The following GOLM2 variants were observed in gnomAD, a reference collection of about 807,000 sequenced individuals.
GOLM2 encodes protein GOLM2.
A neutral mutation model predicts 55.9 loss-of-function variants in GOLM2; 26 were observed. That is an observed-to-expected ratio of 0.47 (90% CI 0.34 to 0.65). GOLM2 has a LOEUF of 0.65. Among genes scored for constraint, GOLM2 ranks in the 30% least tolerant of loss-of-function variants. GOLM2 has a pLI of 0.01. For missense variants in GOLM2, 486 were observed against 531.8 expected, an observed-to-expected ratio of 0.91 and a Z score of 0.85; for synonymous variants, 165 against 194.6, an observed-to-expected ratio of 0.85 and a Z score of 1.27.
intron 8 of GOLM2, among the ~76,000 whole-genome samples, chr15:44,401,207 C>A (rs1394744360): frequency 6.6e-6 from 1 of 152,022 alleles, no homozygotes; most frequent in Non-Finnish European, 1.5e-5. Context: ...AAACTCCTGA[C>A]CTCAAATGAT....
intron 6 of GOLM2, among the ~76,000 whole-genome samples, chr15:44,369,068 TATATATATATATATATATATA>T (rs2079307505): frequency 3.4e-4 from 2 of 5,834 alleles, no homozygotes; most frequent in African/African-American, 8.8e-4. Flanking sequence ...TAGGATATAT[TATATATATATATATATATATA>T]TATATATATA....
chr15:44,377,182 G>A (rs905437596), intron 6 of GOLM2, among the ~76,000 whole-genome samples: 21 of 151,986 alleles, frequency 1.4e-4, no homozygotes, highest in African/African-American at 2.7e-4. Context: ...AGACCAGCCC[G>A]GACCACATAG....
chr15:44,322,988 G>T lies in GOLM2; in HGVS notation c.351G>T (p.Ser117=), dbSNP rs780302499. 6.4e-7 allele frequency: 1 copy of T among 1,574,784 alleles called. No homozygotes were observed. Among genetic ancestry groups the T allele is most frequent in the South Asian group, 1.2e-5 (1 of 82,146 alleles). Residue 117 remains serine (S), a synonymous_variant, in exon 2 of 10, where the codon TCG becomes TCT. Transcript: ENST00000299957. ...DDKVKLQNNI[S]YQMADIHHLK... ...AGGTTAAACTACAGAACAACATATC[G>T]TATCAGATGGCAGACATACATCATT...
At chr15:44,375,999 G>A (rs940428062) in intron 6 of GOLM2, among the ~76,000 whole-genome samples, 2 of 152,146 alleles carry the variant, frequency 1.3e-5, no homozygotes, top group Non-Finnish European at 2.9e-5. Context: ...CACTTTGGGA[G>A]GCCGAGGTGG....
At chr15:44,311,157 C>T (rs2078872885) in intron 1 of GOLM2, among the ~76,000 whole-genome samples, 1 of 152,168 alleles carries the variant, frequency 6.6e-6, no homozygotes, top group African/African-American at 2.4e-5. Context: ...TATACTTATA[C>T]ATGTTCTACT....
chr15:44,394,893 G>T (rs1208661555), intron 8 of GOLM2, among the ~76,000 whole-genome samples: 1 of 152,156 alleles, frequency 6.6e-6, no homozygotes, highest in African/African-American at 2.4e-5. Context: ...CTAGAAAAAA[G>T]AGGCTGCCTT....
intron 1 of GOLM2, among the ~76,000 whole-genome samples, chr15:44,311,002 G>T (rs2078871852): frequency 6.6e-6 from 1 of 152,152 alleles, no homozygotes; most frequent in South Asian, 2.1e-4. Flanking sequence ...GGGCGACAGA[G>T]TGAGACTTCA....
At chr15:44,364,083 A>G (rs897770004) in intron 6 of GOLM2, among the ~76,000 whole-genome samples, 2 of 152,096 alleles carry the variant, frequency 1.3e-5, no homozygotes, top group African/African-American at 2.4e-5. Flanking sequence ...TGGGAGATAT[A>G]CCTAATGCTA....
At chr15:44,369,469 T>C (rs2079314643) in intron 6 of GOLM2, among the ~76,000 whole-genome samples, 1 of 151,864 alleles carries the variant, frequency 6.6e-6, no homozygotes, top group Non-Finnish European at 1.5e-5. Context: ...CCAACAAGAA[T>C]GTAAGCTTCG....
chr15:44,410,513 A>T (rs1249622450), intron 9 of GOLM2, among the ~76,000 whole-genome samples: 1 of 152,150 alleles, frequency 6.6e-6, no homozygotes, highest in African/African-American at 2.4e-5. Flanking sequence ...TGTGAAATGG[A>T]TATAATTTCA....
chr15:44,411,301 C>G (rs900910398), intron 9 of GOLM2, among the ~76,000 whole-genome samples: 1 of 151,782 alleles, frequency 6.6e-6, no homozygotes, highest in African/African-American at 2.4e-5. Flanking sequence ...GGATTGCAAG[C>G]TTGGACAACC....
At chr15:44,379,818 T>G in intron 7 of GOLM2, 30 bp downstream of exon 7, 1 of 1,287,548 alleles carries the variant, frequency 7.8e-7, no homozygotes, top group East Asian at 2.3e-5. Context: ...TAATTCCATT[T>G]GAAACCAACT....
chr15:44,335,300 A>G (rs2079049339), intron 4 of GOLM2, among the ~76,000 whole-genome samples: 1 of 152,206 alleles, frequency 6.6e-6, no homozygotes, highest in Admixed American at 6.5e-5. Flanking sequence ...TAAGAAGTTT[A>G]TTTTAAAAAC....
In GOLM2 at chr15:44,338,224, G is replaced by A. The variant is rs368007726; in HGVS notation, c.722-13G>A. ...AAAAACGATAGAATTCTATCTTTTTGTTACTTGGGCAGAACAAATCAAAAG... is the reference window on the plus strand; with the variant it reads ...AAAAACGATAGAATTCTATCTTTTTATTACTTGGGCAGAACAAATCAAAAG... On this transcript the variant is annotated splice_polypyrimidine_tract_variant and intron_variant, in intron 5 of 9. Coordinates refer to ENST00000299957, the MANE Select transcript of GOLM2 (RefSeq NM_138423.4). 2 of 1,601,120 alleles carry A rather than the reference G, an allele frequency of 1.2e-6. No homozygotes were observed. The highest frequency in any genetic ancestry group is 1.7e-6 in the Non-Finnish European group (2 of 1,173,508).
chr15:44,374,077 G>C (rs1316176123), intron 6 of GOLM2, among the ~76,000 whole-genome samples: 1 of 151,756 alleles, frequency 6.6e-6, no homozygotes, highest in East Asian at 1.9e-4. Context: ...TTCTAGCCTG[G>C]GCAACAGAGC....
chr15:44,333,789 TCA>T (rs1229602172), intron 4 of GOLM2, among the ~76,000 whole-genome samples: 5 of 152,058 alleles, frequency 3.3e-5, no homozygotes, highest in Non-Finnish European at 7.4e-5. Flanking sequence ...TGATCTCAGC[TCA>T]CTGCAAGTTC....
chr15:44,317,167 G>T (rs1338901001), intron 1 of GOLM2, among the ~76,000 whole-genome samples: 1 of 151,972 alleles, frequency 6.6e-6, no homozygotes, highest in African/African-American at 2.4e-5. Context: ...ACCTGGCATA[G>T]CATCATAAAA....
chr15:44,337,293 CACTTAGGAAGA>C (rs953855978), intron 4 of GOLM2, among the ~76,000 whole-genome samples: 40 of 152,142 alleles, frequency 2.6e-4, no homozygotes, highest in Non-Finnish European at 5.4e-4. Flanking sequence ...GTGGCCAGCA[CACTTAGGAAGA>C]AGATTGCCTG....
At chr15:44,387,336 G>A (rs1415053401) in intron 8 of GOLM2, 2 of 152,014 alleles carry the variant, frequency 1.3e-5, no homozygotes, top group East Asian at 3.9e-4. Context: ...GCAATGTTTT[G>A]TAGCTTTTAG....
Sources: allele counts gnomAD v4.1 joint callset (sites outside exome capture counted in the v4.1 genomes callset), GRCh38; gene constraint gnomAD v4.1.1; transcripts MANE v1.5; gene names NCBI Gene and HGNC (gene_info 2026-07-23, HGNC 2026-07-21).